SLC35F4: variants seen among roughly 807,000 people sequenced by gnomAD.
The protein encoded by SLC35F4 is chromosome 14 open reading frame 36.
Under a neutral mutation model 44.2 loss-of-function variants are expected in SLC35F4, and 24 were observed. That is an observed-to-expected ratio of 0.54 (90% CI 0.39 to 0.76). The LOEUF (loss-of-function observed/expected upper bound fraction) is 0.76, where lower values mean the gene tolerates loss of function less well. Ranked by LOEUF, SLC35F4 falls within the 30% of genes least tolerant of loss-of-function variation. The pLI, the probability that SLC35F4 is intolerant of heterozygous loss-of-function variation, is 0.00. For synonymous variants in SLC35F4, 238 were observed against 223.6 expected (o/e 1.06, Z -0.57); for missense variants, 562 against 586.1 (o/e 0.96, Z 0.42).
chr14:57,891,768 T>C (rs78913559), intron 1 of SLC35F4, among the ~76,000 whole-genome samples: 18,372 of 152,024 alleles, frequency 0.12, 1,363 homozygotes, highest in East Asian at 0.4. Flanking sequence ...CCCAGCTACT[T>C]GGGAGGCTGA....
rs141003305 is a variant in SLC35F4 at position 57,650,240 on chromosome 14, C to T, written c.104-56116G>A. On this transcript the variant is annotated intron_variant, in intron 1 of 7. Coordinates refer to ENST00000556826, the MANE Select transcript of SLC35F4 (RefSeq NM_001306087.2). ...CTGATCATTCCAAGTTGTCTCTAGC[C>T]TTGGCTTTCCCACAGCTCAAAATAT... is the stretch of plus-strand genomic sequence containing the variant. Among the ~76,000 whole-genome samples the T allele has an allele frequency of 3.6e-3, 555 of 152,212 alleles. 3 individuals carry two copies. Among genetic ancestry groups the T allele is most frequent in the Non-Finnish European group, 6.5e-3 (439 of 68,006 alleles).
At chr14:57,925,118 C>G (rs950647286) in intron 1 of SLC35F4, among the ~76,000 whole-genome samples, 1 of 151,932 alleles carries the variant, frequency 6.6e-6, no homozygotes, top group Non-Finnish European at 1.5e-5. Flanking sequence ...CATCCCGCAC[C>G]CTCCCACCCC....
chr14:57,673,172 A>G (rs1314664224), intron 1 of SLC35F4, among the ~76,000 whole-genome samples: 1 of 152,144 alleles, frequency 6.6e-6, no homozygotes, highest in Non-Finnish European at 1.5e-5. Context: ...AGACAAACCA[A>G]TTAAGAAGCA....
At chr14:57,816,852 C>T (rs1882657442) in intron 1 of SLC35F4, among the ~76,000 whole-genome samples, 1 of 152,120 alleles carries the variant, frequency 6.6e-6, no homozygotes, top group African/African-American at 2.4e-5. Flanking sequence ...TTTCAGCTGC[C>T]CACAACAGTG....
chr14:57,620,321 A>G (rs1011074995), intron 1 of SLC35F4, among the ~76,000 whole-genome samples: 3 of 152,220 alleles, frequency 2.0e-5, no homozygotes, highest in African/African-American at 7.2e-5. Flanking sequence ...AGGGAAGCCC[A>G]TCAGACTAAC....
At chr14:57,843,648 C>T (rs982886285) in intron 1 of SLC35F4, among the ~76,000 whole-genome samples, 9 of 152,182 alleles carry the variant, frequency 5.9e-5, no homozygotes, top group South Asian at 2.1e-4. Flanking sequence ...AGACTGGAGA[C>T]GAAGGGTTTT....
chr14:57,758,183 T>G (rs1243215073), intron 1 of SLC35F4, among the ~76,000 whole-genome samples: 1 of 152,168 alleles, frequency 6.6e-6, no homozygotes, highest in Non-Finnish European at 1.5e-5. Context: ...TTTCTCTTTA[T>G]CAATGGTTTT....
chr14:57,766,169 C>T (rs955607314), intron 1 of SLC35F4, among the ~76,000 whole-genome samples: 1 of 152,220 alleles, frequency 6.6e-6, no homozygotes, highest in Admixed American at 6.5e-5. Context: ...CTACTCACTA[C>T]TCATCAAGAG....
At position 57,946,472 on chromosome 14, in the gene SLC35F4, T is replaced by TC. The variant is rs200993648; in HGVS notation, n.282+35440_282+35441insG. ...TTGTTTTGTTTTGTTTTCTTTTCTT[T>TC]TTTTTTTTTTTTTTTTTTTTGAGAC... On this transcript the variant is annotated intron_variant and non_coding_transcript_variant, in intron 1 of 1. Transcript: ENST00000556568. 4.2e-4 allele frequency among the ~76,000 whole-genome samples: 46 copies of TC among 109,692 alleles called. No individual in the cohort carries two copies. In the East Asian group the frequency reaches 8.7e-3, roughly 21 times the overall value. 72.0% of individuals were successfully genotyped at this position (109,692 alleles called of 152,430 possible). A position where few individuals can be genotyped will look rare whatever the true frequency, so the allele number is the denominator to read the frequency against.
chr14:57,966,254 T>C (rs1325677971), intron 1 of SLC35F4, among the ~76,000 whole-genome samples: 1 of 152,192 alleles, frequency 6.6e-6, no homozygotes, highest in African/African-American at 2.4e-5. Context: ...AGACAAAAAA[T>C]ATTTTTAACA....
chr14:57,880,030 G>T (rs893017463), intron 1 of SLC35F4, among the ~76,000 whole-genome samples: 2 of 120,084 alleles, frequency 1.7e-5, no homozygotes, highest in Admixed American at 8.9e-5. Flanking sequence ...GAAAGGAAAG[G>T]AGGGAGGAAG....
chr14:57,882,959 GA>G, intron 1 of SLC35F4, among the ~76,000 whole-genome samples: 1 of 151,554 alleles, frequency 6.6e-6, no homozygotes, highest in African/African-American at 2.4e-5. Context: ...TGTACAATTA[GA>G]CATACCTTCT....
rs557559534 is a variant in SLC35F4, at chr14:57,646,417, A to G, written c.104-52293T>C. On this transcript the variant is annotated intron_variant, in intron 1 of 7. Transcript: ENST00000556826. ...TTTTCTAGTTTATTTGCGTAGAGGTATCTATAGTATTCTCTGACGGTAGTT... is the reference window on the plus strand; with the variant it reads ...TTTTCTAGTTTATTTGCGTAGAGGTGTCTATAGTATTCTCTGACGGTAGTT... Among the ~76,000 whole-genome samples the G allele has an allele frequency of 9.5e-3, 1,442 of 152,124 alleles. 30 individuals are homozygous for G. Among genetic ancestry groups the G allele is most frequent in the African/African-American group, 0.032 (1,330 of 41,524 alleles).
chr14:57,979,944 T>G (rs561023651), intron 1 of SLC35F4, among the ~76,000 whole-genome samples: 2 of 152,208 alleles, frequency 1.3e-5, no homozygotes, highest in African/African-American at 4.8e-5. Flanking sequence ...GGTTAATGCT[T>G]TTTCCAAAAA....
chr14:57,786,034 C>T (rs1248321212), intron 1 of SLC35F4, among the ~76,000 whole-genome samples: 1 of 152,072 alleles, frequency 6.6e-6, no homozygotes, highest in Non-Finnish European at 1.5e-5. Flanking sequence ...TTTCAAGCCC[C>T]CCTCACCCTC....
chr14:57,668,718 G>GT (rs1448218301), intron 1 of SLC35F4, among the ~76,000 whole-genome samples: 6 of 152,050 alleles, frequency 3.9e-5, no homozygotes, highest in African/African-American at 1.5e-4. Context: ...GTACCATGCT[G>GT]TTTGGTTACT....
chr14:57,590,732 C>T (rs778573246), intron 2 of SLC35F4, among the ~76,000 whole-genome samples: 16 of 152,150 alleles, frequency 1.1e-4, no homozygotes, highest in Admixed American at 1.3e-4. Context: ...CTACAAGAGT[C>T]TCTTGTGTCT....
In SLC35F4 at chr14:57,895,196, T is replaced by A. The variant is rs541770009; in HGVS notation, n.282+86717A>T. On this transcript the variant is annotated intron_variant and non_coding_transcript_variant, in intron 1 of 1. Coordinates refer to the SLC35F4 transcript ENST00000556568. Reference sequence around the variant, plus strand: ...GAGCATAAACTCACTTCTGTCCAGGTACACAGAATTGGCCAGGTTCTCAAG... The same window carrying A: ...GAGCATAAACTCACTTCTGTCCAGGAACACAGAATTGGCCAGGTTCTCAAG... Among the ~76,000 whole-genome samples the A allele has an allele frequency of 2.6e-4, 39 of 152,234 alleles. No homozygotes were observed. In the East Asian group the frequency reaches 7.3e-3, roughly 29 times the overall value.
intron 1 of SLC35F4, among the ~76,000 whole-genome samples, chr14:57,638,919 A>ATTCTTTC (rs2073116225): frequency 6.6e-6 from 1 of 152,108 alleles, no homozygotes; most frequent in African/African-American, 2.4e-5. Flanking sequence ...ACATACATGC[A>ATTCTTTC]AAATGGAGAG....
Sources: allele counts gnomAD v4.1 joint callset (sites outside exome capture counted in the v4.1 genomes callset), GRCh38; gene constraint gnomAD v4.1.1; transcripts MANE v1.5; gene names NCBI Gene and HGNC (gene_info 2026-07-23, HGNC 2026-07-21).